PTPRT: variants seen among roughly 807,000 people sequenced by gnomAD.
The protein encoded by PTPRT is receptor-type tyrosine-protein phosphatase T.
A neutral mutation model predicts 176.8 loss-of-function variants in PTPRT; 56 were observed. That is an observed-to-expected ratio of 0.32 (90% CI 0.26 to 0.40). PTPRT has a LOEUF of 0.40. Ranked by LOEUF, PTPRT falls within the 10% of genes least tolerant of loss-of-function variation. The pLI, the probability that PTPRT is intolerant of heterozygous loss-of-function variation, is 1.00. For missense variants in PTPRT, 1,540 were observed against 1,908.2 expected, an observed-to-expected ratio of 0.81 and a Z score of 3.60; for synonymous variants, 783 against 739.0, an observed-to-expected ratio of 1.06 and a Z score of -0.96.
chr20:42,113,929 G>C (rs1016470529), intron 22 of PTPRT, among the ~76,000 whole-genome samples: 2 of 152,206 alleles, frequency 1.3e-5, no homozygotes, highest in African/African-American at 4.8e-5. Context: ...CTGGGGGTTG[G>C]AGGGGGAGCT....
rs2146041080 is a variant in PTPRT at position 42,961,893 on chromosome 20, G to A, written c.89-75961C>T. On this transcript the variant is annotated intron_variant, in intron 1 of 30. Coordinates refer to ENST00000373187, the MANE Select transcript of PTPRT (RefSeq NM_007050.6). ...GAAGGAGCGGGGCGGGAGGGTCAGA[G>A]AAGGAGGCGTACTGATGGAAGCAGA... is the stretch of plus-strand genomic sequence containing the variant. Among the ~76,000 whole-genome samples the A allele has an allele frequency of 1.3e-5, 2 of 152,306 alleles. 1 individual carries two copies. The highest frequency in any genetic ancestry group is 4.8e-5 in the African/African-American group (2 of 41,558).
intron 6 of PTPRT, among the ~76,000 whole-genome samples, chr20:42,744,416 T>A (rs754488896): frequency 6.6e-6 from 1 of 152,142 alleles, no homozygotes; most frequent in Non-Finnish European, 1.5e-5. Context: ...AAAAAGATAA[T>A]TGCTCAGCTT....
In PTPRT at chr20:42,756,634, T is replaced by C; in HGVS notation, c.687A>G (p.Gln229=). 2 of 1,584,878 alleles carry C rather than the reference T, an allele frequency of 1.3e-6. No individual in the cohort carries two copies. Among genetic ancestry groups the C allele is most frequent in the Non-Finnish European group, 1.7e-6 (2 of 1,161,366 alleles). The change falls in exon 6 of 31, where the codon CAA becomes CAG. Residue 229 remains glutamine, a splice_region_variant and synonymous_variant. Coordinates refer to ENST00000373187, the MANE Select transcript of PTPRT (RefSeq NM_007050.6). ...WSQHDKLWLQ[Q]WNGRDTALMV... is the part of the protein sequence containing the mutation. ...TCAGGGCCGTGTCCCTGCCATTCCATTGCTGCAGAACAGAGGAAGAGAGGG... is the reference window on the plus strand; with the variant it reads ...TCAGGGCCGTGTCCCTGCCATTCCACTGCTGCAGAACAGAGGAAGAGAGGG...
In PTPRT at chr20:42,950,534, G is replaced by A. The variant is rs76331533; in HGVS notation, c.89-64602C>T. ...AGCATGGAATCCCTGGCATCCCCTC[G>A]TAGTGCCAATAGCTCCAAACCCCAA... On this transcript the variant is annotated intron_variant, in intron 1 of 30. Coordinates refer to ENST00000373187, the MANE Select transcript of PTPRT (RefSeq NM_007050.6). Among the ~76,000 whole-genome samples, 20 of 152,182 alleles carry A rather than the reference G, an allele frequency of 1.3e-4. No individual in the cohort carries two copies. The East Asian group carries it at 1.9e-3, about 15-fold the overall frequency.
chr20:42,077,171 AG>A lies in PTPRT; in HGVS notation c.*3707del, dbSNP rs957632197. 1 of 183,412 alleles carries A rather than the reference AG, an allele frequency of 5.5e-6. No individual in the cohort carries two copies. Among genetic ancestry groups the A allele is most frequent in the Non-Finnish European group, 1.2e-5 (1 of 86,350 alleles). 11.4% of individuals were successfully genotyped at this position (183,412 alleles called of 1,614,324 possible). A position where few individuals can be genotyped will look rare whatever the true frequency, so the allele number is the denominator to read the frequency against. On this transcript the variant is annotated 3_prime_UTR_variant, in exon 31 of 31. Coordinates refer to ENST00000373187, the MANE Select transcript of PTPRT (RefSeq NM_007050.6). ...GCATAGGGTCTGTTGGTTCCTTTGC[AG>A]GCCACACCCACAGAGAGGGCCAGCA...
rs78531479 is a variant in PTPRT at position 42,956,071 on chromosome 20, G to A, written c.89-70139C>T. 9.7e-3 allele frequency among the ~76,000 whole-genome samples: 1,472 copies of A among 152,226 alleles called. 31 individuals carry two copies. Among genetic ancestry groups the A allele is most frequent in the African/African-American group, 0.033 (1,377 of 41,530 alleles). On this transcript the variant is annotated intron_variant, in intron 1 of 30. Transcript: ENST00000373187. ...GGTTAAAGCTTTCCCCCACACACAG[G>A]TGGTTAACTCTATTGCATGTACAGG...
chr20:43,178,257 A>T (rs1188542871), intron 1 of PTPRT, among the ~76,000 whole-genome samples: 2 of 152,172 alleles, frequency 1.3e-5, no homozygotes, highest in Non-Finnish European at 2.9e-5. Context: ...GAAGATAAAC[A>T]CCCTGAACTG....
chr20:42,115,008 TCA>T (rs1161934265), intron 22 of PTPRT, among the ~76,000 whole-genome samples, 189 bp downstream of exon 22: 17 of 152,318 alleles, frequency 1.1e-4, no homozygotes, highest in Admixed American at 2.0e-4. Flanking sequence ...CTTATTGAAT[TCA>T]GTTTGCCCCA....
intron 11 of PTPRT, among the ~76,000 whole-genome samples, chr20:42,334,835 G>C (rs78458799): frequency 9.9e-4 from 151 of 152,286 alleles, no homozygotes; most frequent in Non-Finnish European, 2.0e-3. Context: ...TTTGTTATTT[G>C]AGAACTGCAA....
intron 1 of PTPRT, among the ~76,000 whole-genome samples, chr20:42,953,606 T>A (rs1287298547): frequency 1.3e-5 from 2 of 152,076 alleles, no homozygotes; most frequent in African/African-American, 4.8e-5. Context: ...TCTATCACAC[T>A]CCTAGAAGAG....
intron 6 of PTPRT, among the ~76,000 whole-genome samples, chr20:42,737,508 G>A (rs2076557351): frequency 1.3e-5 from 2 of 152,124 alleles, no homozygotes; most frequent in Admixed American, 6.5e-5. Flanking sequence ...GTGGGAGTCT[G>A]TAATCCCAGC....
At chr20:42,698,978 A>C (rs373930164) in intron 6 of PTPRT, among the ~76,000 whole-genome samples, 24 of 152,326 alleles carry the variant, frequency 1.6e-4, no homozygotes, top group African/African-American at 5.3e-4. Flanking sequence ...GATTAACCCA[A>C]CAAACAACTA....
intron 7 of PTPRT, among the ~76,000 whole-genome samples, chr20:42,631,535 G>A (rs1273420983): frequency 1.3e-5 from 2 of 152,118 alleles, no homozygotes; most frequent in East Asian, 1.9e-4. Context: ...GCAGGAATGG[G>A]GCAGAAATAG....
intron 1 of PTPRT, among the ~76,000 whole-genome samples, chr20:43,124,518 G>C (rs2013373781): frequency 6.6e-6 from 1 of 152,152 alleles, no homozygotes; most frequent in Non-Finnish European, 1.5e-5. Context: ...CATCAGTCAG[G>C]CTGTGCTGAG....
At chr20:43,043,444 A>G (rs1986715004) in intron 1 of PTPRT, among the ~76,000 whole-genome samples, 1 of 152,216 alleles carries the variant, frequency 6.6e-6, no homozygotes. Flanking sequence ...ATTGTGTGCT[A>G]GATATAAGCT....
intron 1 of PTPRT, among the ~76,000 whole-genome samples, chr20:43,100,685 C>A (rs1264661595): frequency 6.6e-6 from 1 of 152,174 alleles, no homozygotes; most frequent in Non-Finnish European, 1.5e-5. Flanking sequence ...CCAGGCCCTG[C>A]CATGATGGAC....
intron 1 of PTPRT, among the ~76,000 whole-genome samples, chr20:43,112,103 C>A (rs2425609): frequency 0.52 from 79,036 of 152,062 alleles, 22,891 homozygotes; most frequent in African/African-American, 0.8. Flanking sequence ...CCCAAATTAC[C>A]TCTATTGGTT....
chr20:43,110,751 C>T (rs1205483859), intron 1 of PTPRT, among the ~76,000 whole-genome samples: 1 of 151,960 alleles, frequency 6.6e-6, no homozygotes, highest in African/African-American at 2.4e-5. Flanking sequence ...TGTAGGCACT[C>T]GGGGTGAGAA....
intron 1 of PTPRT, among the ~76,000 whole-genome samples, chr20:42,973,873 G>C (rs1277870950): frequency 6.6e-6 from 1 of 152,202 alleles, no homozygotes; most frequent in Non-Finnish European, 1.5e-5. Flanking sequence ...TCAGAAAACT[G>C]AGTATAGTTT....
Sources: allele counts gnomAD v4.1 joint callset (sites outside exome capture counted in the v4.1 genomes callset), GRCh38; gene constraint gnomAD v4.1.1; transcripts MANE v1.5; gene names NCBI Gene and HGNC (gene_info 2026-07-23, HGNC 2026-07-21).